The following VSTM2B variants were observed in gnomAD, a reference collection of about 807,000 sequenced individuals.
VSTM2B encodes V-set and transmembrane domain-containing protein 2B.
A neutral mutation model predicts 24.0 loss-of-function variants in VSTM2B; 24 were observed. That is an observed-to-expected ratio of 1.00 (90% CI 0.72 to 1.40). VSTM2B has a LOEUF of 1.40. Ranked by LOEUF, VSTM2B falls within the 40% of genes most tolerant of loss-of-function variation. The pLI is 0.00. For missense variants in VSTM2B, 399 were observed against 416.4 expected (o/e 0.96, Z 0.36); for synonymous variants, 226 against 194.4 (o/e 1.16, Z -1.35).
chr19:29,544,647 A>G (rs1460763646), intron 4 of VSTM2B, among the ~76,000 whole-genome samples: 1 of 152,110 alleles, frequency 6.6e-6, no homozygotes, highest in Non-Finnish European at 1.5e-5. Context: ...ATCTTGAGAA[A>G]AAGTTAGACA....
chr19:29,538,487 G>A (rs771888826), intron 4 of VSTM2B, among the ~76,000 whole-genome samples: 27 of 152,192 alleles, frequency 1.8e-4, no homozygotes, highest in Non-Finnish European at 3.1e-4. Context: ...CTTCCTTCAT[G>A]AGACCGCCCT....
rs1298342630 is a variant in VSTM2B, at chr19:29,530,184, C to T, written c.663C>T (p.Ala221=). Residue 221 remains alanine (A), a synonymous_variant, in exon 4 of 5, where the codon GCC becomes GCT. Coordinates refer to ENST00000335523, the MANE Select transcript of VSTM2B (RefSeq NM_001146339.2). Reference sequence around the variant, plus strand: ...CCGCAGTCCCCGAGGCCGCGGCAGCCTCGGCGGCCCACACGCCCACCACCA... The same window carrying T: ...CCGCAGTCCCCGAGGCCGCGGCAGCTTCGGCGGCCCACACGCCCACCACCA... ...IDPAVPEAAA[A]SAAHTPTTTV... 1 of 1,489,958 alleles carries T rather than the reference C, an allele frequency of 6.7e-7. No individual in the cohort carries two copies. The highest frequency in any genetic ancestry group is 8.9e-7 in the Non-Finnish European group (1 of 1,127,272). The allele number at this position is 1,489,958 out of a possible 1,614,324, so 92.3% of individuals were successfully genotyped here. A position where few individuals can be genotyped will look rare whatever the true frequency, so the allele number is the denominator to read the frequency against.
rs577900928 is a variant in VSTM2B, at chr19:29,547,579, G to A, written c.770-16267G>A. ...GGTGGGGCTGCTTGCTGGGGGCTGA[G>A]GAGAGAGGGAGGCCCTAGGCCAGCC... On this transcript the variant is annotated intron_variant, in intron 4 of 4. Transcript: ENST00000335523. Among the ~76,000 whole-genome samples the A allele has an allele frequency of 3.3e-5, 5 of 152,320 alleles. No individual in the cohort carries two copies. In the South Asian group the frequency reaches 1.0e-3, roughly 32 times the overall value.
At chr19:29,527,797 G>A (rs1599873230) in intron 2 of VSTM2B, among the ~76,000 whole-genome samples, 1 of 152,146 alleles carries the variant, frequency 6.6e-6, no homozygotes, top group African/African-American at 2.4e-5. Context: ...GCGTTCCAGA[G>A]GCCACCAGAA....
In VSTM2B at chr19:29,526,649, G is replaced by A; in HGVS notation, c.66G>A (p.Leu22=). 1 of 1,529,660 alleles carries A rather than the reference G, an allele frequency of 6.5e-7. No individual in the cohort carries two copies. Among genetic ancestry groups the A allele is most frequent in the Non-Finnish European group, 8.7e-7 (1 of 1,143,360 alleles). The allele number at this position is 1,529,660 out of a possible 1,614,324, so 94.8% of individuals were successfully genotyped here. The change falls in exon 1 of 5, where the codon CTG becomes CTA. Residue 22 remains leucine, a synonymous_variant. Coordinates refer to ENST00000335523, the MANE Select transcript of VSTM2B (RefSeq NM_001146339.2). The surrounding 1 kb of genome is among the most constrained non-coding windows in gnomAD (Gnocchi z 4.1). ...CGCCTCTGCTGCTGCATGCCCTGCT[G>A]CTCTTCGTGGCCGACGGTGAGCGCG... The part of the protein sequence containing the change: ...YLPPLLLHAL[L]LFVADAAFTE...
upstream of VSTM2B, chr19:29,525,726 G>C (rs1328497678): frequency 6.5e-6 from 1 of 152,762 alleles, no homozygotes; most frequent in Non-Finnish European, 1.5e-5. Context: ...ATGAGCGGCC[G>C]TCTCGAGCCG....
At chr19:29,553,539 T>G (rs1312882761) in intron 4 of VSTM2B, among the ~76,000 whole-genome samples, 2 of 152,130 alleles carry the variant, frequency 1.3e-5, no homozygotes, top group East Asian at 3.8e-4. Flanking sequence ...AACGCCAGAG[T>G]GCCTCTTCTC....
At chr19:29,533,541 T>A (rs1395031741) in intron 4 of VSTM2B, among the ~76,000 whole-genome samples, 1 of 152,178 alleles carries the variant, frequency 6.6e-6, no homozygotes, top group African/African-American at 2.4e-5. Context: ...CAGGTGAAGC[T>A]CTCTTGAGAG....
chr19:29,562,309 C>CT (rs1280210430), intron 4 of VSTM2B, among the ~76,000 whole-genome samples: 1 of 152,200 alleles, frequency 6.6e-6, no homozygotes, highest in African/African-American at 2.4e-5. Flanking sequence ...ATAGGAAGGA[C>CT]TAAGTGTGCT....
In VSTM2B at chr19:29,526,698, T is replaced by G. The variant is rs776343877; in HGVS notation, c.82+33T>G. 2.3e-5 allele frequency: 34 copies of G among 1,510,584 alleles called. No homozygotes were observed. Among genetic ancestry groups the G allele is most frequent in the Admixed American group, 4.0e-5 (2 of 49,624 alleles). The allele number at this position is 1,510,584 out of a possible 1,614,324, so 93.6% of individuals were successfully genotyped here. On this transcript the variant is annotated intron_variant, in intron 1 of 4. Transcript: ENST00000335523. This position sits in a 1 kb window ranked among gnomAD's most constrained non-coding sequence, Gnocchi z 4.1. Reference sequence around the variant, plus strand: ...CGGGAACTTTGCTGCCGCTGTGGACTCGGGGGGGTCTTTGCTGGGGCCGCC... The same window carrying G: ...CGGGAACTTTGCTGCCGCTGTGGACGCGGGGGGGTCTTTGCTGGGGCCGCC...
chr19:29,544,105 A>G (rs1640060884), intron 4 of VSTM2B, among the ~76,000 whole-genome samples: 1 of 150,130 alleles, frequency 6.7e-6, no homozygotes, highest in South Asian at 2.1e-4. Context: ...TCCTGTGTGT[A>G]TATATATACC....
chr19:29,528,349 G>T, intron 2 of VSTM2B, 84 bp from the exon 3 acceptor site: 1 of 1,533,260 alleles, frequency 6.5e-7, no homozygotes, highest in East Asian at 2.5e-5. Context: ...CCGGAGGAGG[G>T]TGCCCTTGCC....
At chr19:29,542,769 G>T (rs1970054900) in intron 4 of VSTM2B, among the ~76,000 whole-genome samples, 1 of 152,140 alleles carries the variant, frequency 6.6e-6, no homozygotes, top group Non-Finnish European at 1.5e-5. Flanking sequence ...GATACAAGTT[G>T]AGGCTTGCAG....
Position 29,529,951 on chromosome 19 carries a change from G to C in VSTM2B, c.430G>C (p.Ala144Pro). 1 of 1,548,910 alleles carries C rather than the reference G, an allele frequency of 6.5e-7. No individual in the cohort carries two copies. Among genetic ancestry groups the C allele is most frequent in the Non-Finnish European group, 8.7e-7 (1 of 1,146,694 alleles). ...DDDTQEHKAQ[A>P]MLRVLSRFAP... ...CGACACGCAGGAGCACAAGGCCCAG[G>C]CGATGCTGCGCGTGCTCTCGCGCTT... The change falls in exon 4 of 5, where the codon GCG (alanine) becomes CCG (proline). Residue 144 changes from alanine to proline, a missense_variant. By Grantham distance (27) the Ala-to-Pro change is conservative (BLOSUM62 -1). Coordinates refer to ENST00000335523, the MANE Select transcript of VSTM2B (RefSeq NM_001146339.2).
At chr19:29,559,551 T>A (rs530872732) in intron 4 of VSTM2B, among the ~76,000 whole-genome samples, 2 of 152,314 alleles carry the variant, frequency 1.3e-5, no homozygotes, top group South Asian at 4.1e-4. Flanking sequence ...ATGGTACGTG[T>A]ATACCTATGT....
chr19:29,536,999 A>G (rs1489665892), intron 4 of VSTM2B, among the ~76,000 whole-genome samples: 1 of 152,238 alleles, frequency 6.6e-6, no homozygotes, highest in African/African-American at 2.4e-5. Context: ...TTTGCAGCAC[A>G]GGAGAAAAAT....
At chr19:29,525,517 A>G (rs1331074794), upstream of VSTM2B, 1 of 151,946 alleles carries the variant, frequency 6.6e-6, no homozygotes, top group East Asian at 1.9e-4. Flanking sequence ...CGCACTGCAG[A>G]CTCCCGGCGC....
intron 4 of VSTM2B, among the ~76,000 whole-genome samples, chr19:29,549,829 C>T (rs1970238153): frequency 1.3e-5 from 2 of 152,220 alleles, no homozygotes; most frequent in South Asian, 4.1e-4. Context: ...GACGGAGGCT[C>T]CTCCTTCAGC....
rs758701416 is a variant in VSTM2B at position 29,527,360 on chromosome 19, G to C, written c.232G>C (p.Glu78Gln). The change falls in exon 2 of 5, where the codon GAG (glutamate) becomes CAG (glutamine). Residue 78 changes from glutamate (E) to glutamine (Q), a missense_variant. Glu to Gln is a conservative substitution (Grantham distance 29). Coordinates refer to ENST00000335523, the MANE Select transcript of VSTM2B (RefSeq NM_001146339.2). ...GGAGCCACCCCGGGAGCTGCTGCAC[G>C]AGCTGGCGCTCAGCGTGCCGGGCGC... ...LKEPPRELLHELALSVPGARS... is the reference protein window; with the variant it reads ...LKEPPRELLHQLALSVPGARS... 5.8e-6 allele frequency: 9 copies of C among 1,544,466 alleles called. No homozygotes were observed. The Admixed American group carries it at 1.6e-4, about 27-fold the overall frequency.
Sources: allele counts gnomAD v4.1 joint callset (sites outside exome capture counted in the v4.1 genomes callset), GRCh38; gene constraint gnomAD v4.1.1; non-coding constraint Gnocchi (gnomAD v3.1); transcripts MANE v1.5; gene names NCBI Gene and HGNC (gene_info 2026-07-23, HGNC 2026-07-21).